GLIPR1L2: variants seen among roughly 807,000 people sequenced by gnomAD.
GLIPR1L2 encodes the protein GLIPR1 like 2, also known as GLIPR1-like protein 2.
In GLIPR1L2, 21 loss-of-function variants were observed where a neutral mutation model predicts 28.4. That is an observed-to-expected ratio of 0.74 (90% CI 0.52 to 1.06). The LOEUF is 1.06. Among genes scored for constraint, GLIPR1L2 ranks in the 50% least tolerant of loss-of-function variants. GLIPR1L2 has a pLI of 0.00. For missense variants in GLIPR1L2, 476 were observed against 416.9 expected (o/e 1.14, Z -1.23); for synonymous variants, 145 against 139.3 (o/e 1.04, Z -0.29).
chr12:75,400,470 G>T (rs1285650888), intron 1 of GLIPR1L2, among the ~76,000 whole-genome samples: 1 of 152,094 alleles, frequency 6.6e-6, no homozygotes. Flanking sequence ...TCTTGGAAAA[G>T]CAAGGTACAT....
chr12:75,399,849 A>G (rs1468322121), intron 1 of GLIPR1L2, among the ~76,000 whole-genome samples: 2 of 152,202 alleles, frequency 1.3e-5, no homozygotes, highest in African/African-American at 4.8e-5. Context: ...CCTTGTAGAG[A>G]AGAATCTGGC....
At chr12:75,403,936 A>G (rs74108767) in intron 1 of GLIPR1L2, among the ~76,000 whole-genome samples, 2,827 of 152,274 alleles carry the variant, frequency 0.019, 71 homozygotes, top group African/African-American at 0.064. Context: ...CTAAACAACT[A>G]TTTGATTTTC....
intron 4 of GLIPR1L2, among the ~76,000 whole-genome samples, chr12:75,426,095 A>G (rs1438995720): frequency 6.6e-6 from 1 of 152,214 alleles, no homozygotes; most frequent in Non-Finnish European, 1.5e-5. Context: ...GTAATAAAAC[A>G]AATTTTACAG....
At chr12:75,397,959 C>T (rs1348244202) in intron 1 of GLIPR1L2, among the ~76,000 whole-genome samples, 1 of 151,304 alleles carries the variant, frequency 6.6e-6, no homozygotes, top group Non-Finnish European at 1.5e-5. Flanking sequence ...ACCACTCGGA[C>T]TTTTAACTTT....
At chr12:75,409,921 A>G (rs895500440) in intron 1 of GLIPR1L2, among the ~76,000 whole-genome samples, 1 of 149,594 alleles carries the variant, frequency 6.7e-6, no homozygotes, top group Non-Finnish European at 1.5e-5. Flanking sequence ...CTAATCCAAT[A>G]TATATAAGAT....
Position 75,404,241 on chromosome 12 carries a change from G to A in GLIPR1L2, c.235-6193G>A, listed in dbSNP as rs1594007593. 2.6e-5 allele frequency among the ~76,000 whole-genome samples: 4 copies of A among 152,050 alleles called. No homozygotes were observed. The South Asian group carries it at 8.3e-4, about 32-fold the overall frequency. On this transcript the variant is annotated intron_variant, in intron 1 of 5. Transcript: ENST00000550916. Reference sequence around the variant, plus strand: ...GTATACATATGTGTGTTATGTATATGTGATATTTTCTTACCTTGAGATCGT... The same window carrying A: ...GTATACATATGTGTGTTATGTATATATGATATTTTCTTACCTTGAGATCGT...
intron 1 of GLIPR1L2, among the ~76,000 whole-genome samples, chr12:75,405,331 T>C (rs925896163): frequency 1.3e-5 from 2 of 152,156 alleles, no homozygotes; most frequent in Non-Finnish European, 2.9e-5. Flanking sequence ...AGACCGTCAT[T>C]ACAAGACTGA....
At chr12:75,416,269 T>C (rs2045922665) in intron 3 of GLIPR1L2, among the ~76,000 whole-genome samples, 1 of 152,020 alleles carries the variant, frequency 6.6e-6, no homozygotes, top group Non-Finnish European at 1.5e-5. Context: ...GAAAAATAAA[T>C]GTAGGAAATG....
At position 75,392,858 on chromosome 12, in the gene GLIPR1L2, C is replaced by G. The variant is rs56686453; in HGVS notation, c.234+1508C>G. On this transcript the variant is annotated intron_variant, in intron 1 of 5. Transcript: ENST00000550916. Reference sequence around the variant, plus strand: ...TTTGATATATAGGTTAAAGTCCCACCCTAAATTTTTACCTTTTTCTTCTTT... The same window carrying G: ...TTTGATATATAGGTTAAAGTCCCACGCTAAATTTTTACCTTTTTCTTCTTT... Among the ~76,000 whole-genome samples, 216 of 151,926 alleles carry G rather than the reference C, an allele frequency of 1.4e-3. 6 individuals carry two copies. The East Asian group carries it at 0.04, about 28-fold the overall frequency.
chr12:75,421,044 A>G (rs2045971300), intron 3 of GLIPR1L2, among the ~76,000 whole-genome samples: 1 of 152,168 alleles, frequency 6.6e-6, no homozygotes, highest in Non-Finnish European at 1.5e-5. Context: ...GGCAGTTTTT[A>G]TAGTGAGTAG....
chr12:75,422,810 T>C (rs1397461103), intron 3 of GLIPR1L2, 94 bp from the exon 4 acceptor site: 16 of 1,034,676 alleles, frequency 1.5e-5, no homozygotes, highest in Non-Finnish European at 1.4e-6. Context: ...CCCGCCTTTT[T>C]AACCTGATTA....
At chr12:75,409,052 A>C (rs1318641916) in intron 1 of GLIPR1L2, among the ~76,000 whole-genome samples, 2 of 152,076 alleles carry the variant, frequency 1.3e-5, no homozygotes, top group Non-Finnish European at 2.9e-5. Context: ...TTCAGGCTGC[A>C]TGAGGCCCAG....
Position 75,391,243 on chromosome 12 carries a change from A to G in GLIPR1L2, c.127A>G (p.Arg43Gly). 6.2e-7 allele frequency: 1 copy of G among 1,614,240 alleles called. No homozygotes were observed. The highest frequency in any genetic ancestry group is 8.5e-7 in the Non-Finnish European group (1 of 1,180,034). The change falls in exon 1 of 6, where the codon AGA (arginine) becomes GGA (glycine). Residue 43 changes from arginine to glycine, a missense_variant. By Grantham distance (125) the Arg-to-Gly change is moderately radical. Transcript: ENST00000550916. Reference protein sequence around the residue: ...LLLLGSSLNARFLPDEEDVDF... With the variant: ...LLLLGSSLNAGFLPDEEDVDF... ...GCTACTGGGTTCTAGTTTGAACGCC[A>G]GATTTTTGCCAGACGAGGAGGACGT...
At chr12:75,394,274 T>G (rs2045660074) in intron 1 of GLIPR1L2, among the ~76,000 whole-genome samples, 1 of 152,072 alleles carries the variant, frequency 6.6e-6, no homozygotes, top group Non-Finnish European at 1.5e-5. Flanking sequence ...CAATGAAGTA[T>G]AATTTATCAT....
At chr12:75,426,654 C>T (rs775758855) in intron 4 of GLIPR1L2, among the ~76,000 whole-genome samples, 10 of 152,208 alleles carry the variant, frequency 6.6e-5, no homozygotes, top group Non-Finnish European at 1.2e-4. Context: ...ACTTCACACT[C>T]ACGTGGTAGT....
At chr12:75,424,276 G>A (rs1347198621) in intron 4 of GLIPR1L2, among the ~76,000 whole-genome samples, 2 of 152,252 alleles carry the variant, frequency 1.3e-5, no homozygotes, top group Non-Finnish European at 1.5e-5. Flanking sequence ...GGCATGAGAT[G>A]GTATCTCATT....
In GLIPR1L2 at chr12:75,431,598, T is replaced by C. The variant is rs1461374496; in HGVS notation, c.*437T>C. The C allele has an allele frequency of 1.3e-5, 2 of 155,112 alleles. No individual in the cohort carries two copies. Among genetic ancestry groups the C allele is most frequent in the Non-Finnish European group, 2.9e-5 (2 of 69,902 alleles). The allele number at this position is 155,112 out of a possible 1,614,324, so 9.6% of individuals were successfully genotyped here. On this transcript the variant is annotated 3_prime_UTR_variant, in exon 6 of 6. Transcript: ENST00000550916. ...AATTTGTATTTTTTTGTTTTTACTG[T>C]TACTGTCATAGTTTTTATTGGTGGT...
chr12:75,391,649 T>A (rs945516318), intron 1 of GLIPR1L2: 31 of 704,306 alleles, frequency 4.4e-5, no homozygotes, highest in Non-Finnish European at 6.4e-5. Flanking sequence ...AACGGGTTTT[T>A]AAAAATTAAA....
intron 3 of GLIPR1L2, among the ~76,000 whole-genome samples, chr12:75,416,165 G>T (rs559948913): frequency 6.6e-6 from 1 of 152,222 alleles, no homozygotes; most frequent in Non-Finnish European, 1.5e-5. Context: ...GCAACACTAT[G>T]CCTATGTGTT....
Sources: allele counts gnomAD v4.1 joint callset (sites outside exome capture counted in the v4.1 genomes callset), GRCh38; gene constraint gnomAD v4.1.1; transcripts MANE v1.5; gene names NCBI Gene and HGNC (gene_info 2026-07-23, HGNC 2026-07-21).